MED13L: variants seen among roughly 807,000 people sequenced by gnomAD.
MED13L encodes mediator complex subunit 13L, also known as mediator of RNA polymerase II transcription subunit 13-like.
A neutral mutation model predicts 220.9 loss-of-function variants in MED13L; 7 were observed. The ratio of observed to expected loss-of-function variants is 0.03; its 90% CI spans 0.02 to 0.06. The LOEUF (loss-of-function observed/expected upper bound fraction) is 0.06, where lower values mean the gene tolerates loss of function less well. Ranked by LOEUF, MED13L falls within the 10% of genes least tolerant of loss-of-function variation. The pLI, the probability that MED13L is intolerant of heterozygous loss-of-function variation, is 1.00. For synonymous variants in MED13L, 1,011 were observed against 1,015.2 expected (o/e 1.00, Z 0.08); for missense variants, 1,965 against 2,760.5 (o/e 0.71, Z 6.46).
chr12:116,100,873 C>T (rs1259391128), intron 3 of MED13L, among the ~76,000 whole-genome samples: 2 of 152,024 alleles, frequency 1.3e-5, no homozygotes, highest in Non-Finnish European at 2.9e-5. Flanking sequence ...GTGATGGCAC[C>T]CCTGCACCCC....
chr12:116,185,334 T>C (rs1392021537), intron 2 of MED13L, among the ~76,000 whole-genome samples: 1 of 151,670 alleles, frequency 6.6e-6, no homozygotes, highest in African/African-American at 2.4e-5. Context: ...TTGATCACTA[T>C]AACACAAGTT....
chr12:116,256,349 A>G (rs1872040773), intron 1 of MED13L, among the ~76,000 whole-genome samples: 1 of 151,960 alleles, frequency 6.6e-6, no homozygotes, highest in South Asian at 2.1e-4. Context: ...AGGATTACAT[A>G]CTATATGATT....
In MED13L at chr12:116,045,308, GT is replaced by G. The variant is rs1348633501; in HGVS notation, c.480-22708del. 7.2e-5 allele frequency among the ~76,000 whole-genome samples: 11 copies of G among 152,108 alleles called. No homozygotes were observed. The East Asian group carries it at 2.1e-3, about 29-fold the overall frequency. On this transcript the variant is annotated intron_variant, in intron 4 of 30. Coordinates refer to ENST00000281928, the MANE Select transcript of MED13L (RefSeq NM_015335.5). ...CAATCCTGGGCCTACATAGTACTGA[GT>G]CCCCCTGGCTGAGACAACAAATGAA... is the stretch of plus-strand genomic sequence containing the variant.
intron 3 of MED13L, among the ~76,000 whole-genome samples, chr12:116,101,550 C>T (rs1343179171): frequency 6.6e-6 from 1 of 152,088 alleles, no homozygotes; most frequent in Admixed American, 6.5e-5. Context: ...GGGAAAAAAT[C>T]TACATATTTC....
At chr12:116,156,227 C>G (rs1356397680) in intron 2 of MED13L, among the ~76,000 whole-genome samples, 1 of 151,528 alleles carries the variant, frequency 6.6e-6, no homozygotes, top group African/African-American at 2.4e-5. Context: ...AAATATCTTT[C>G]CAACCATATG....
intron 13 of MED13L, among the ~76,000 whole-genome samples, chr12:116,004,792 A>G (rs994425675): frequency 6.6e-6 from 1 of 152,164 alleles, no homozygotes; most frequent in African/African-American, 2.4e-5. Context: ...TACTTATAAC[A>G]GTAATGGTAT....
Position 115,997,244 on chromosome 12 carries a change from A to G in MED13L, c.2570-14T>C, listed in dbSNP as rs773510377. The G allele has an allele frequency of 1.2e-6, 2 of 1,612,210 alleles. No individual in the cohort carries two copies. The highest frequency in any genetic ancestry group is 3.3e-5 in the Admixed American group (2 of 59,992). Reference sequence around the variant, plus strand: ...AGTCTGCAACTGCTAAAAATAAGAAATAAAAAAAATTTGTTTAATAGGAAG... The same window carrying G: ...AGTCTGCAACTGCTAAAAATAAGAAGTAAAAAAAATTTGTTTAATAGGAAG... On this transcript the variant is annotated splice_polypyrimidine_tract_variant and intron_variant, in intron 14 of 30. Coordinates refer to ENST00000281928, the MANE Select transcript of MED13L (RefSeq NM_015335.5).
At chr12:115,976,467 A>C (rs1876946287) in intron 23 of MED13L, among the ~76,000 whole-genome samples, 1 of 152,256 alleles carries the variant, frequency 6.6e-6, no homozygotes, top group Non-Finnish European at 1.5e-5. Flanking sequence ...CACTGTCAGA[A>C]GTCAGAATAG....
At chr12:116,195,736 C>A (rs1282703277) in intron 2 of MED13L, among the ~76,000 whole-genome samples, 2 of 151,902 alleles carry the variant, frequency 1.3e-5, no homozygotes, top group Non-Finnish European at 2.9e-5. Flanking sequence ...CAGGCGTGAG[C>A]CACTCTTTTA....
At chr12:116,233,963 TTGTG>T (rs907151433) in intron 2 of MED13L, among the ~76,000 whole-genome samples, 1 of 152,146 alleles carries the variant, frequency 6.6e-6, no homozygotes, top group African/African-American at 2.4e-5. Context: ...TAAAACTAAC[TTGTG>T]TGTGTACCCT....
chr12:116,025,830 T>C (rs1300531406), intron 4 of MED13L, among the ~76,000 whole-genome samples: 1 of 152,182 alleles, frequency 6.6e-6, no homozygotes, highest in Non-Finnish European at 1.5e-5. Flanking sequence ...TAATGCATTG[T>C]ATATCTCAAA....
At chr12:115,969,212 C>A in intron 27 of MED13L, 115 bp from the exon 28 acceptor site, 1 of 1,141,238 alleles carries the variant, frequency 8.8e-7, no homozygotes, top group Non-Finnish European at 1.3e-6. Context: ...CTATTATGGA[C>A]ACACACTGTT....
intron 3 of MED13L, among the ~76,000 whole-genome samples, 160 bp from the exon 4 acceptor site, chr12:116,096,912 G>A (rs376028196): frequency 4.6e-5 from 7 of 151,994 alleles, no homozygotes; most frequent in East Asian, 1.9e-4. Context: ...TATACTTTCC[G>A]AAAGAACTCT....
At chr12:116,022,359 AT>A (rs2137445909) in intron 5 of MED13L, 96 bp downstream of exon 5, 1 of 1,416,854 alleles carries the variant, frequency 7.1e-7, no homozygotes, top group Admixed American at 1.8e-5. Flanking sequence ...TAAAATGTCC[AT>A]TTAAGATAAG....
At chr12:116,008,225 T>C (rs1879172489) in intron 10 of MED13L, 176 bp downstream of exon 10, 1 of 850,300 alleles carries the variant, frequency 1.2e-6, no homozygotes, top group Admixed American at 3.0e-5. Flanking sequence ...ATGACATGTG[T>C]GCTAACCTAT....
At chr12:116,206,270 G>T (rs948618990) in intron 2 of MED13L, among the ~76,000 whole-genome samples, 3 of 151,526 alleles carry the variant, frequency 2.0e-5, no homozygotes, top group African/African-American at 7.3e-5. Context: ...TAGTAGAGAC[G>T]GTGTTTCACC....
rs540492867 is a variant in MED13L, at chr12:115,982,374, A to C, written c.5175+10T>G. 6.3e-7 allele frequency: 1 copy of C among 1,599,222 alleles called. No individual in the cohort carries two copies. The highest frequency in any genetic ancestry group is 8.6e-7 in the Non-Finnish European group (1 of 1,166,448). ...CATCAAAAGTAAATAATAAACTTGC[A>C]AACAGTAACCTGGAGAATGAAAGAA... On this transcript the variant is annotated intron_variant, in intron 22 of 30. Transcript: ENST00000281928.
intron 2 of MED13L, among the ~76,000 whole-genome samples, chr12:116,143,368 A>G (rs1208229979): frequency 6.6e-6 from 1 of 152,010 alleles, no homozygotes; most frequent in East Asian, 1.9e-4. Flanking sequence ...AGAAAAAGAA[A>G]GAATGAATGA....
chr12:116,276,308 TTGTG>T (rs372521434), intron 1 of MED13L: 12,763 of 224,506 alleles, frequency 0.057, 376 homozygotes, highest in African/African-American at 0.11. Context: ...CTTGTTGCTT[TTGTG>T]TGTGTGTGTG....
Sources: gnomAD v4.1 joint callset for allele counts (sites outside exome capture counted in the v4.1 genomes callset) on GRCh38, gnomAD v4.1.1 for gene constraint, MANE v1.5 for transcripts, NCBI Gene and HGNC (gene_info 2026-07-23, HGNC 2026-07-21) for gene names.